TP63: variants seen among roughly 807,000 people sequenced by gnomAD.
TP63 encodes the protein tumor protein 63.
A neutral mutation model predicts 82.8 loss-of-function variants in TP63; 17 were observed. The ratio of observed to expected loss-of-function variants is 0.21; its 90% CI spans 0.14 to 0.31. TP63 has a LOEUF of 0.31. TP63 is among the 10% of genes least tolerant of loss of function. The pLI is 1.00. For synonymous variants in TP63, 330 were observed against 321.7 expected (o/e 1.03, Z -0.28); for missense variants, 648 against 895.3 (o/e 0.72, Z 3.52).
rs1488761159 is a variant in TP63, at chr3:189,889,480, G to A, written c.1648G>A (p.Val550Ile). The A allele has an allele frequency of 1.9e-6, 3 of 1,613,966 alleles. No homozygotes were observed. The highest frequency in any genetic ancestry group is 1.7e-6 in the Non-Finnish European group (2 of 1,180,006). ...PPPYPTDCSI[V>I]SFLARLGCSS... ...TCCGTATCCCACAGATTGCAGCATT[G>A]TCAGGTGAGTCCACAGCATGTGCCC... Residue 550 changes from valine (V) to isoleucine (I), a missense_variant, in exon 12 of 14, where the codon GTC becomes ATC. Transcript: ENST00000264731.
intron 3 of TP63, among the ~76,000 whole-genome samples, chr3:189,800,280 A>C (rs1462594153): frequency 6.6e-6 from 1 of 152,108 alleles, no homozygotes; most frequent in Admixed American, 6.6e-5. Flanking sequence ...AGTGCCTCAC[A>C]GGCCACGTTA....
At chr3:189,756,407 TG>T (rs1722194103) in intron 3 of TP63, among the ~76,000 whole-genome samples, 1 of 152,194 alleles carries the variant, frequency 6.6e-6, no homozygotes, top group African/African-American at 2.4e-5. Context: ...TTCTGTTCTT[TG>T]TACAGTATAG....
At chr3:189,684,830 C>T (rs1716303243) in intron 1 of TP63, among the ~76,000 whole-genome samples, 1 of 151,940 alleles carries the variant, frequency 6.6e-6, no homozygotes, top group South Asian at 2.1e-4. Flanking sequence ...TGGGGTTTCT[C>T]CATGTTGGTC....
chr3:189,712,966 T>C (rs1245129901), intron 1 of TP63, among the ~76,000 whole-genome samples: 1 of 152,136 alleles, frequency 6.6e-6, no homozygotes, highest in African/African-American at 2.4e-5. Context: ...CATCTGTTTT[T>C]GGACTTAGGG....
At chr3:189,653,228 A>G (rs1387609474) in intron 1 of TP63, among the ~76,000 whole-genome samples, 1 of 152,216 alleles carries the variant, frequency 6.6e-6, no homozygotes, top group Non-Finnish European at 1.5e-5. Context: ...TCCAGAACAT[A>G]CATATGCCAG....
chr3:189,746,700 C>T (rs771419421), intron 3 of TP63, among the ~76,000 whole-genome samples: 7 of 139,554 alleles, frequency 5.0e-5, no homozygotes, highest in Non-Finnish European at 1.0e-4. Context: ...ATATTAATAA[C>T]AACCTTCAAT....
chr3:189,764,315 G>T (rs909068102), intron 3 of TP63, among the ~76,000 whole-genome samples: 2 of 152,098 alleles, frequency 1.3e-5, no homozygotes, highest in African/African-American at 4.8e-5. Context: ...CACTACCTAG[G>T]AAACAAGAAC....
chr3:189,854,792 G>A (rs1449268489), intron 4 of TP63, among the ~76,000 whole-genome samples: 4 of 152,104 alleles, frequency 2.6e-5, no homozygotes, highest in South Asian at 4.1e-4. Flanking sequence ...GGGGAACATC[G>A]TTTTAAATAC....
At chr3:189,776,306 C>A (rs1230418107) in intron 3 of TP63, among the ~76,000 whole-genome samples, 1 of 152,164 alleles carries the variant, frequency 6.6e-6, no homozygotes, top group Non-Finnish European at 1.5e-5. Flanking sequence ...CATCCCTTAT[C>A]TTTGGAACAC....
chr3:189,853,728 A>C (rs1443941864), intron 4 of TP63, among the ~76,000 whole-genome samples: 1 of 152,182 alleles, frequency 6.6e-6, no homozygotes, highest in Non-Finnish European at 1.5e-5. Flanking sequence ...TTATTCTAGA[A>C]TTCTAGCATT....
chr3:189,610,130 T>C, the TP63 span, among the ~76,000 whole-genome samples: 1 of 152,208 alleles, frequency 6.6e-6, no homozygotes, highest in Non-Finnish European at 1.5e-5. Flanking sequence ...TGATCAGTGA[T>C]ATTGAGCTTT....
chr3:189,619,256 A>T, the TP63 span, among the ~76,000 whole-genome samples: 1,926 of 152,252 alleles, frequency 0.013, 45 homozygotes, highest in African/African-American at 0.044. Flanking sequence ...GGGGGGATAT[A>T]TGTTGCTTTA....
At chr3:189,840,881 A>G (rs1025240209) in intron 4 of TP63, among the ~76,000 whole-genome samples, 9 of 148,462 alleles carry the variant, frequency 6.1e-5, no homozygotes, top group Admixed American at 1.3e-4. Context: ...AAAAAAAACA[A>G]CTATTCAAGG....
At chr3:189,607,883 ACT>A in the TP63 span, among the ~76,000 whole-genome samples, 1 of 152,086 alleles carries the variant, frequency 6.6e-6, no homozygotes, top group Non-Finnish European at 1.5e-5. Context: ...AAAACTCATG[ACT>A]CTAATATTCT....
In TP63 at chr3:189,868,583, G is replaced by C. The variant is rs773003649; in HGVS notation, c.996G>C (p.Gly332=). The C allele has an allele frequency of 8.7e-6, 14 of 1,614,016 alleles. No individual in the cohort carries two copies. In the South Asian group the frequency reaches 1.3e-4, roughly 15 times the overall value. ...TCCCCTTTATTCTAATTCCTAGTGG[G>C]CAAGTCCTGGGCCGACGCTGCTTTG... ...LIIVTLETRD[G]QVLGRRCFEA... is the part of the protein sequence containing the mutation. Residue 332 remains glycine, a synonymous_variant, in exon 8 of 14, where the codon GGG becomes GGC. Coordinates refer to ENST00000264731, the MANE Select transcript of TP63 (RefSeq NM_003722.5).
chr3:189,626,980 G>C (rs1187938398), upstream of TP63, among the ~76,000 whole-genome samples: 1 of 151,944 alleles, frequency 6.6e-6, no homozygotes, highest in East Asian at 1.9e-4. Context: ...ATCAGTTTCT[G>C]TTGTTTATAC....
At chr3:189,731,237 A>T (rs565063590) in intron 1 of TP63, among the ~76,000 whole-genome samples, 14 of 152,298 alleles carry the variant, frequency 9.2e-5, no homozygotes, top group African/African-American at 3.1e-4. Flanking sequence ...CCAGCTGCTC[A>T]GGAGGCTGAG....
chr3:189,615,523 C>T, the TP63 span, among the ~76,000 whole-genome samples: 1,925 of 152,286 alleles, frequency 0.013, 45 homozygotes, highest in African/African-American at 0.044. Context: ...GCACATACCA[C>T]ATTAACATAA....
intron 4 of TP63, among the ~76,000 whole-genome samples, chr3:189,841,817 T>C (rs1212398144): frequency 6.6e-6 from 1 of 152,214 alleles, no homozygotes; most frequent in Non-Finnish European, 1.5e-5. Flanking sequence ...CTTTCACCTC[T>C]AGCGTCCAGG....
Sources: gnomAD v4.1 joint callset for allele counts (sites outside exome capture counted in the v4.1 genomes callset) on GRCh38, gnomAD v4.1.1 for gene constraint, MANE v1.5 for transcripts, NCBI Gene and HGNC (gene_info 2026-07-23, HGNC 2026-07-21) for gene names.